The following SLC44A5 variants were observed in gnomAD, a reference collection of about 807,000 sequenced individuals.
SLC44A5 encodes choline transporter-like protein 5.
Under a neutral mutation model 101.8 loss-of-function variants are expected in SLC44A5, and 57 were observed. The ratio of observed to expected loss-of-function variants is 0.56; its 90% CI spans 0.45 to 0.70. The LOEUF is 0.70. SLC44A5 is among the 30% of genes least tolerant of loss of function. SLC44A5 has a pLI of 0.00. For missense variants in SLC44A5, 737 were observed against 853.1 expected (o/e 0.86, Z 1.70); for synonymous variants, 281 against 290.9 (o/e 0.97, Z 0.35).
intron 2 of SLC44A5, among the ~76,000 whole-genome samples, chr1:75,488,198 A>G (rs896834698): frequency 6.6e-6 from 1 of 152,208 alleles, no homozygotes; most frequent in Non-Finnish European, 1.5e-5. Context: ...TAGAAATGAA[A>G]TGCCAAATGA....
At chr1:75,654,761 A>G in the SLC44A5 span, among the ~76,000 whole-genome samples, 1 of 152,164 alleles carries the variant, frequency 6.6e-6, no homozygotes, top group African/African-American at 2.4e-5. Context: ...CTACATCAGC[A>G]TAAACAGCTT....
chr1:75,682,211 A>G, the SLC44A5 span, among the ~76,000 whole-genome samples: 3 of 152,204 alleles, frequency 2.0e-5, no homozygotes, highest in African/African-American at 7.2e-5. Flanking sequence ...TGCCATCTCC[A>G]TCAAGCTACG....
chr1:75,301,941 A>C (rs1654480784), intron 4 of SLC44A5, among the ~76,000 whole-genome samples: 1 of 152,130 alleles, frequency 6.6e-6, no homozygotes, highest in Non-Finnish European at 1.5e-5. Context: ...GTAATTCTTT[A>C]CCTTGGAATA....
chr1:75,632,299 T>C, the SLC44A5 span, among the ~76,000 whole-genome samples: 2 of 150,572 alleles, frequency 1.3e-5, no homozygotes. Flanking sequence ...TTATAAAATA[T>C]TCAATAAATA....
intron 1 of SLC44A5, among the ~76,000 whole-genome samples, chr1:75,600,959 GAGA>G (rs1393169177): frequency 5.9e-5 from 9 of 152,156 alleles, no homozygotes; most frequent in Admixed American, 2.6e-4. Context: ...GAGAGACAGT[GAGA>G]AGAAAGAGTA....
the SLC44A5 span, among the ~76,000 whole-genome samples, chr1:75,628,661 A>G: frequency 1.1e-4 from 17 of 152,218 alleles, no homozygotes; most frequent in Non-Finnish European, 1.5e-5. Flanking sequence ...CATTCAAACA[A>G]GAGAAAGGTT....
chr1:75,670,286 G>C, the SLC44A5 span, among the ~76,000 whole-genome samples: 1 of 152,004 alleles, frequency 6.6e-6, no homozygotes. Flanking sequence ...GAAGTTATTT[G>C]ATCCCAGAGT....
chr1:75,375,548 A>G (rs61798711), intron 3 of SLC44A5, among the ~76,000 whole-genome samples: 25,926 of 152,186 alleles, frequency 0.17, 2,964 homozygotes, highest in Non-Finnish European at 0.25. Context: ...GAATTTTCAA[A>G]GTCAACAAGA....
At chr1:75,554,296 G>A (rs751115663) in intron 1 of SLC44A5, among the ~76,000 whole-genome samples, 6 of 151,796 alleles carry the variant, frequency 4.0e-5, no homozygotes, top group Non-Finnish European at 8.8e-5. Flanking sequence ...GGCTAACATG[G>A]TAAAACTTCA....
chr1:75,608,932 TATC>T (rs762710919), intron 1 of SLC44A5, among the ~76,000 whole-genome samples: 2 of 152,038 alleles, frequency 1.3e-5, no homozygotes, highest in South Asian at 4.1e-4. Context: ...CAATTTTTAA[TATC>T]AACAATGTAT....
chr1:75,610,637 G>A (rs1055860500), intron 1 of SLC44A5, among the ~76,000 whole-genome samples: 3 of 152,118 alleles, frequency 2.0e-5, no homozygotes, highest in Non-Finnish European at 2.9e-5. Flanking sequence ...CATTTTGGAA[G>A]GGGAGTATGA....
At chr1:75,206,602 C>A in intron 23 of SLC44A5, 1 of 1,565,570 alleles carries the variant, frequency 6.4e-7, no homozygotes, top group Non-Finnish European at 8.8e-7. Flanking sequence ...CTGTTTGGAG[C>A]TTTTCTACTC....
chr1:75,225,847 A>G (rs1235927308), intron 13 of SLC44A5, among the ~76,000 whole-genome samples: 2 of 152,202 alleles, frequency 1.3e-5, no homozygotes, highest in Non-Finnish European at 2.9e-5. Flanking sequence ...ACATCTCTTT[A>G]CTTTTCCAAT....
At chr1:75,619,079 A>AGG in the SLC44A5 span, among the ~76,000 whole-genome samples, 2,326 of 96,400 alleles carry the variant, frequency 0.024, 53 homozygotes, top group African/African-American at 0.058. Context: ...TCAAAAAAAA[A>AGG]GGGGGGGGGG....
intron 1 of SLC44A5, among the ~76,000 whole-genome samples, chr1:75,549,301 T>C (rs1404691085): frequency 6.6e-6 from 1 of 152,136 alleles, no homozygotes; most frequent in Non-Finnish European, 1.5e-5. Flanking sequence ...TACCAAGCTC[T>C]GCTTCTTCCT....
the SLC44A5 span, among the ~76,000 whole-genome samples, chr1:75,698,293 C>A: frequency 2.0e-5 from 3 of 152,172 alleles, no homozygotes; most frequent in African/African-American, 7.2e-5. Context: ...TCCCAGTACG[C>A]AGCTGGAGAT....
At chr1:75,386,478 A>G (rs1661357685) in intron 3 of SLC44A5, among the ~76,000 whole-genome samples, 1 of 152,218 alleles carries the variant, frequency 6.6e-6, no homozygotes, top group African/African-American at 2.4e-5. Flanking sequence ...AAGAGAATAA[A>G]ATACCTAGGA....
At chr1:75,353,950 A>T (rs1396429881) in intron 3 of SLC44A5, 2 of 291,684 alleles carry the variant, frequency 6.9e-6, no homozygotes, top group Non-Finnish European at 1.3e-5. Flanking sequence ...ACCTATTCTC[A>T]ACACTTTCCA....
intron 2 of SLC44A5, among the ~76,000 whole-genome samples, chr1:75,537,170 G>T (rs1671100890): frequency 6.6e-6 from 1 of 151,792 alleles, no homozygotes; most frequent in South Asian, 2.1e-4. Flanking sequence ...AATTATATGT[G>T]AAATTTGAAT....
Sources: gnomAD v4.1 joint callset for allele counts (sites outside exome capture counted in the v4.1 genomes callset) on GRCh38, gnomAD v4.1.1 for gene constraint, MANE v1.5 for transcripts, NCBI Gene and HGNC (gene_info 2026-07-23, HGNC 2026-07-21) for gene names.